Variants in PTPRE observed in about 807,000 individuals in gnomAD.
PTPRE encodes the protein receptor-type tyrosine-protein phosphatase epsilon.
In PTPRE, 51 loss-of-function variants were observed where a neutral mutation model predicts 102.0. The ratio of observed to expected loss-of-function variants is 0.50; its 90% CI spans 0.40 to 0.63. The LOEUF is 0.63. Among genes scored for constraint, PTPRE ranks in the 30% least tolerant of loss-of-function variants. The probability of loss-of-function intolerance (pLI) is 0.00; values close to 1 mark genes in which losing one functional copy is unlikely to be tolerated. For synonymous variants in PTPRE, 345 were observed against 348.2 expected, an observed-to-expected ratio of 0.99 and a Z score of 0.10; for missense variants, 752 against 915.1, an observed-to-expected ratio of 0.82 and a Z score of 2.30.
At position 128,081,376 on chromosome 10, in the gene PTPRE, T is replaced by C. The variant is rs550495075; in HGVS notation, c.2029-1456T>C. ...CTGGAGTCTGTGGATTGACCAGAAA[T>C]GTCTGTCTGTGACCTGAGGTGTGGC... On this transcript the variant is annotated intron_variant, in intron 20 of 20. Coordinates refer to ENST00000254667, the MANE Select transcript of PTPRE (RefSeq NM_006504.6). Among the ~76,000 whole-genome samples, 32 of 152,298 alleles carry C rather than the reference T, an allele frequency of 2.1e-4. 1 individual carries two copies. Among genetic ancestry groups the C allele is most frequent in the African/African-American group, 7.0e-4 (29 of 41,562 alleles).
intron 1 of PTPRE, among the ~76,000 whole-genome samples, chr10:127,921,481 G>A (rs996008308): frequency 6.6e-5 from 10 of 152,186 alleles, no homozygotes; most frequent in African/African-American, 2.4e-4. Context: ...ATGGAAGGCC[G>A]GGGTAGACAC....
intron 17 of PTPRE, among the ~76,000 whole-genome samples, chr10:128,076,192 G>T (rs1052032318): frequency 2.6e-5 from 4 of 152,074 alleles, no homozygotes; most frequent in African/African-American, 9.7e-5. Flanking sequence ...ACTCCATCTG[G>T]GTGTATTTTT....
At chr10:128,041,534 GC>G (rs1847698112) in intron 3 of PTPRE, among the ~76,000 whole-genome samples, 1 of 150,708 alleles carries the variant, frequency 6.6e-6, no homozygotes, top group Non-Finnish European at 1.5e-5. Context: ...TGTAGTCCCA[GC>G]CACTCGGGAG....
intron 2 of PTPRE, among the ~76,000 whole-genome samples, chr10:128,015,318 A>G (rs1845325904): frequency 6.6e-6 from 1 of 152,128 alleles, no homozygotes; most frequent in Non-Finnish European, 1.5e-5. Flanking sequence ...TCAAGGCAGA[A>G]GAATCGCTTA....
chr10:128,069,028 G>T (rs1850527902), intron 12 of PTPRE: 1 of 152,346 alleles, frequency 6.6e-6, no homozygotes, highest in Non-Finnish European at 1.5e-5. Context: ...CACTGCCAGG[G>T]ACAAAAGCCA....
intron 3 of PTPRE, among the ~76,000 whole-genome samples, chr10:128,041,448 G>A (rs1008220544): frequency 6.6e-6 from 1 of 152,076 alleles, no homozygotes; most frequent in Non-Finnish European, 1.5e-5. Flanking sequence ...AAGAGATTGA[G>A]ACCATCTTGG....
chr10:127,954,741 G>A (rs1160414668), intron 1 of PTPRE, among the ~76,000 whole-genome samples: 3 of 152,016 alleles, frequency 2.0e-5, no homozygotes, highest in Non-Finnish European at 4.4e-5. Flanking sequence ...AACATATGAT[G>A]CTCTTTCTCC....
intron 3 of PTPRE, 85 bp from the exon 4 acceptor site, chr10:128,047,305 C>T (rs1046322361): frequency 6.6e-7 from 1 of 1,507,466 alleles, no homozygotes. Context: ...GTTCTGGTGT[C>T]CAGGAAGAAG....
Position 128,076,478 on chromosome 10 carries a change from A to AT in PTPRE, c.1600-124dup, listed in dbSNP as rs1335636426. The AT allele has an allele frequency of 1.7e-5, 14 of 801,566 alleles. No individual in the cohort carries two copies. In the African/African-American group the frequency reaches 3.1e-4, roughly 18 times the overall value. 49.7% of individuals were successfully genotyped at this position (801,566 alleles called of 1,614,324 possible). ...AACAGGCATTTATATTCATATTCATATGTTTTTTTTTTTGGTCAGATGAAA... is the reference window on the plus strand; with the variant it reads ...AACAGGCATTTATATTCATATTCATATTGTTTTTTTTTTTGGTCAGATGAAA... On this transcript the variant is annotated intron_variant, in intron 17 of 20. Transcript: ENST00000254667.
intron 2 of PTPRE, among the ~76,000 whole-genome samples, chr10:128,018,398 T>C (rs1275480736): frequency 2.0e-5 from 3 of 152,224 alleles, no homozygotes; most frequent in African/African-American, 7.2e-5. Context: ...CTCACACACG[T>C]TACCATCATC....
Position 128,028,936 on chromosome 10 carries a change from C to T in PTPRE, c.-7-11939C>T, listed in dbSNP as rs1846491238. On this transcript the variant is annotated intron_variant, in intron 2 of 20. Coordinates refer to ENST00000254667, the MANE Select transcript of PTPRE (RefSeq NM_006504.6). This position sits in a 1 kb window ranked among gnomAD's most constrained non-coding sequence, Gnocchi z 4.5. ...CGAGGAGCGCTATCCTGCTCCGTCT[C>T]TGCTCAGGGTCCCCCCAGAGGCCTC... 6.6e-6 allele frequency among the ~76,000 whole-genome samples: 1 copy of T among 152,246 alleles called. No homozygotes were observed. Among genetic ancestry groups the T allele is most frequent in the African/African-American group, 2.4e-5 (1 of 41,470 alleles).
At chr10:128,032,127 T>A (rs767563222) in intron 2 of PTPRE, among the ~76,000 whole-genome samples, 2 of 152,154 alleles carry the variant, frequency 1.3e-5, no homozygotes, top group Non-Finnish European at 2.9e-5. Context: ...GCAATTCTCC[T>A]GCCTCAGCCT....
At chr10:128,017,387 C>G (rs1376796019) in intron 2 of PTPRE, among the ~76,000 whole-genome samples, 2 of 152,152 alleles carry the variant, frequency 1.3e-5, no homozygotes, top group Admixed American at 6.5e-5. Context: ...CCGAGCTGGC[C>G]TCAAAGAGGA....
At position 128,052,341 on chromosome 10, in the gene PTPRE, T is replaced by C. The variant is rs546701431; in HGVS notation, c.420+2675T>C. The stretch of plus-strand genomic sequence containing the variant: ...ACATGTGTGCATTGCCAATTCAAAG[T>C]GCAGGCAAACTTGGTGGGGATGAAA... On this transcript the variant is annotated intron_variant, in intron 6 of 20. Coordinates refer to ENST00000254667, the MANE Select transcript of PTPRE (RefSeq NM_006504.6). Among the ~76,000 whole-genome samples, 3 of 152,200 alleles carry C rather than the reference T, an allele frequency of 2.0e-5. No homozygotes were observed. In the South Asian group the frequency reaches 6.2e-4, roughly 32 times the overall value.
chr10:128,001,772 G>T (rs911890854), intron 2 of PTPRE, among the ~76,000 whole-genome samples: 1 of 152,138 alleles, frequency 6.6e-6, no homozygotes, highest in African/African-American at 2.4e-5. Context: ...TAGGAGCTGC[G>T]GAAACCAGGA....
chr10:127,970,756 C>T (rs186746222), intron 1 of PTPRE, among the ~76,000 whole-genome samples: 55 of 150,482 alleles, frequency 3.7e-4, no homozygotes, highest in Middle Eastern at 3.4e-3. Flanking sequence ...ATCATGGCTG[C>T]GCTCACAAAA....
chr10:127,960,793 G>A (rs1355867252), intron 1 of PTPRE, among the ~76,000 whole-genome samples: 2 of 152,188 alleles, frequency 1.3e-5, no homozygotes, highest in African/African-American at 2.4e-5. Flanking sequence ...GGAGGCCGAG[G>A]TGGGCGGATC....
At chr10:127,987,124 G>T (rs530046268) in intron 2 of PTPRE, among the ~76,000 whole-genome samples, 55 of 152,134 alleles carry the variant, frequency 3.6e-4, no homozygotes, top group Admixed American at 7.2e-4. Context: ...CCCCCGGAAA[G>T]TTTCCACATT....
intron 1 of PTPRE, among the ~76,000 whole-genome samples, chr10:127,946,388 T>TTGCACCTGTGCACACTTGCTCATCTGTA (rs1554896648): frequency 1.6e-4 from 24 of 148,872 alleles, no homozygotes; most frequent in Middle Eastern, 3.4e-3. Context: ...AGTAAGGATA[T>TTGCACCTGTGCACACTTGCTCATCTGTA]ATATACAAGG....
Sources: allele counts gnomAD v4.1 joint callset (sites outside exome capture counted in the v4.1 genomes callset), GRCh38; gene constraint gnomAD v4.1.1; non-coding constraint Gnocchi (gnomAD v3.1); transcripts MANE v1.5; gene names NCBI Gene and HGNC (gene_info 2026-07-23, HGNC 2026-07-21).